FAM184B: variants seen among roughly 807,000 people sequenced by gnomAD.
The protein encoded by FAM184B is protein FAM184B.
In FAM184B, 111 loss-of-function variants were observed where a neutral mutation model predicts 135.9. That is an observed-to-expected ratio of 0.82 (90% CI 0.70 to 0.96). FAM184B has a LOEUF of 0.96. Among genes scored for constraint, FAM184B ranks in the 40% least tolerant of loss-of-function variants. FAM184B has a pLI of 0.00. For missense variants in FAM184B, 1,375 were observed against 1,323.9 expected, an observed-to-expected ratio of 1.04 and a Z score of -0.60; for synonymous variants, 552 against 524.8, an observed-to-expected ratio of 1.05 and a Z score of -0.71.
chr4:17,772,396 G>C (rs1430967463), intron 1 of FAM184B, among the ~76,000 whole-genome samples: 2 of 152,116 alleles, frequency 1.3e-5, no homozygotes, highest in African/African-American at 4.8e-5. Context: ...GGGACATGTG[G>C]AGACACAGTC....
chr4:17,737,666 T>G (rs1264367605), intron 1 of FAM184B, among the ~76,000 whole-genome samples: 1 of 152,160 alleles, frequency 6.6e-6, no homozygotes, highest in Non-Finnish European at 1.5e-5. Context: ...TTTTCAGTGT[T>G]CCTCCCCCGA....
chr4:17,647,475 C>A (rs1013775076), intron 12 of FAM184B, among the ~76,000 whole-genome samples, 162 bp downstream of exon 12: 11 of 152,066 alleles, frequency 7.2e-5, no homozygotes, highest in African/African-American at 2.7e-4. Flanking sequence ...GTCTTGAAAT[C>A]CTGGCCTCAA....
chr4:17,639,796 C>T (rs903064434), intron 13 of FAM184B, among the ~76,000 whole-genome samples: 1 of 151,544 alleles, frequency 6.6e-6, no homozygotes, highest in East Asian at 2.0e-4. Context: ...CAGGTCTTCC[C>T]TAACAACTAC....
chr4:17,705,007 A>C lies in FAM184B; in HGVS notation c.1370T>G (p.Leu457Arg). 2 of 1,551,640 alleles carry C rather than the reference A, an allele frequency of 1.3e-6. No homozygotes were observed. Among genetic ancestry groups the C allele is most frequent in the Non-Finnish European group, 1.7e-6 (2 of 1,146,966 alleles). Residue 457 changes from leucine (L) to arginine (R), a missense_variant, in exon 5 of 18, where the codon CTG becomes CGG. By Grantham distance (102) the Leu-to-Arg change is moderately radical (BLOSUM62 -2). Coordinates refer to ENST00000265018, the MANE Select transcript of FAM184B (RefSeq NM_015688.2). ...TATGGAAGTAGGTCTCACCCTCTGC[A>C]GTTTCTTTCTTTCAGCCTCCACGGA... ...RSSVEAERKK[L>R]QREVEAQLEE...
intron 1 of FAM184B, among the ~76,000 whole-genome samples, chr4:17,751,755 C>T (rs1197276803): frequency 6.8e-6 from 1 of 148,142 alleles, no homozygotes. Flanking sequence ...GGAAGTCCAG[C>T]TAGTTGAAGA....
At chr4:17,685,782 A>G (rs1326664291) in intron 7 of FAM184B, among the ~76,000 whole-genome samples, 1 of 152,076 alleles carries the variant, frequency 6.6e-6, no homozygotes, top group African/African-American at 2.4e-5. Flanking sequence ...CCTGCAGCAC[A>G]CAGCATAGCT....
At chr4:17,695,255 CG>C (rs1469396619) in intron 5 of FAM184B, among the ~76,000 whole-genome samples, 1 of 151,880 alleles carries the variant, frequency 6.6e-6, no homozygotes, top group Non-Finnish European at 1.5e-5. Context: ...CTTGACCACC[CG>C]GGCTCAAGCA....
chr4:17,676,619 T>A (rs544527657), intron 7 of FAM184B, among the ~76,000 whole-genome samples: 9 of 152,238 alleles, frequency 5.9e-5, no homozygotes, highest in Non-Finnish European at 1.3e-4. Flanking sequence ...ATATTTACTT[T>A]ATTGTGGTGG....
intron 8 of FAM184B, among the ~76,000 whole-genome samples, chr4:17,663,364 G>A (rs901837713): frequency 6.6e-6 from 1 of 152,026 alleles, no homozygotes; most frequent in Non-Finnish European, 1.5e-5. Flanking sequence ...TTCTGGCCAC[G>A]GTAATCAGGC....
intron 1 of FAM184B, among the ~76,000 whole-genome samples, chr4:17,723,832 G>A (rs370170758): frequency 6.6e-6 from 1 of 152,088 alleles, no homozygotes; most frequent in African/African-American, 2.4e-5. Flanking sequence ...ATGCAAGGTC[G>A]AATTCAAGAG....
At chr4:17,734,508 A>C (rs1177916077) in intron 1 of FAM184B, among the ~76,000 whole-genome samples, 2 of 152,182 alleles carry the variant, frequency 1.3e-5, no homozygotes, top group East Asian at 3.9e-4. Flanking sequence ...ACCCCATCAA[A>C]AAGTGGGCAA....
intron 14 of FAM184B, among the ~76,000 whole-genome samples, chr4:17,638,134 C>CTTTTTTTT (rs56926847): frequency 6.4e-4 from 47 of 73,402 alleles, no homozygotes; most frequent in East Asian, 3.8e-3. Flanking sequence ...TAACTGTTTG[C>CTTTTTTTT]TTTTTTTTTT....
At position 17,642,156 on chromosome 4, in the gene FAM184B, G is replaced by T. The variant is rs1715341503; in HGVS notation, c.2419C>A (p.Leu807Ile). 2.0e-6 allele frequency: 3 copies of T among 1,533,448 alleles called. No individual in the cohort carries two copies. Among genetic ancestry groups the T allele is most frequent in the Non-Finnish European group, 2.6e-6 (3 of 1,145,518 alleles). The allele number at this position is 1,533,448 out of a possible 1,614,324, so 95.0% of individuals were successfully genotyped here. Residue 807 changes from leucine to isoleucine, a missense_variant, in exon 13 of 18, where the codon CTC becomes ATC. Leu to Ile is a conservative substitution (Grantham distance 5). Coordinates refer to ENST00000265018, the MANE Select transcript of FAM184B (RefSeq NM_015688.2). ...TGGAGCTGCGCGTTCTCCTCCCAGA[G>T]CCCGCATCCCTCGCCGGAACCCTGC... is the stretch of plus-strand genomic sequence containing the variant. ...AGQGSGEGCG[L>I]WEENAQLQDA...
chr4:17,673,554 GT>G (rs1461379389), intron 7 of FAM184B, among the ~76,000 whole-genome samples: 1 of 152,074 alleles, frequency 6.6e-6, no homozygotes, highest in African/African-American at 2.4e-5. Context: ...AGAAACTGTG[GT>G]ATATATATAC....
At chr4:17,769,612 A>G (rs963564969) in intron 1 of FAM184B, among the ~76,000 whole-genome samples, 2 of 152,138 alleles carry the variant, frequency 1.3e-5, no homozygotes, top group Admixed American at 6.5e-5. Context: ...CCAGTTTCCT[A>G]GTGCACTTAA....
rs1186041419 is a variant in FAM184B at position 17,732,954 on chromosome 4, C to T, written c.142-23310G>A. ...AATCCTCAATAAAATACTGGCAAAC[C>T]GAATCCAGCAGCACATCAAAAAGCT... On this transcript the variant is annotated intron_variant, in intron 1 of 17. Coordinates refer to ENST00000265018, the MANE Select transcript of FAM184B (RefSeq NM_015688.2). Among the ~76,000 whole-genome samples the T allele has an allele frequency of 5.9e-5, 9 of 152,206 alleles. No homozygotes were observed. In the East Asian group the frequency reaches 7.7e-4, roughly 13 times the overall value.
chr4:17,727,357 C>T (rs1247487181), intron 1 of FAM184B, among the ~76,000 whole-genome samples: 2 of 152,186 alleles, frequency 1.3e-5, no homozygotes, highest in African/African-American at 4.8e-5. Context: ...AGCTCTGTCC[C>T]TCTCAAGCAG....
rs955856208 is a variant in FAM184B at position 17,709,396 on chromosome 4, C to T, written c.390G>A (p.Lys130=). 4.6e-6 allele frequency: 7 copies of T among 1,523,392 alleles called. No individual in the cohort carries two copies. Among genetic ancestry groups the T allele is most frequent in the Admixed American group, 2.1e-5 (1 of 48,092 alleles). 94.4% of individuals were successfully genotyped at this position (1,523,392 alleles called of 1,614,324 possible). ...AESASCRLET[K]ERELRVEAEH... is the part of the protein sequence containing the mutation. ...CTGCCTCCACCCTCAGCTCTCTCTC[C>T]TTCGTCTCCAGCCTGCACGAGGCCG... Residue 130 remains lysine, a synonymous_variant, in exon 2 of 18, where the codon AAG becomes AAA. Coordinates refer to ENST00000265018, the MANE Select transcript of FAM184B (RefSeq NM_015688.2).
intron 1 of FAM184B, among the ~76,000 whole-genome samples, chr4:17,758,783 C>T (rs1208745163): frequency 3.3e-5 from 5 of 152,146 alleles, no homozygotes; most frequent in Admixed American, 3.3e-4. Flanking sequence ...TCCCACAGCA[C>T]TCTGCAGTTG....
Sources: gnomAD v4.1 joint callset for allele counts (sites outside exome capture counted in the v4.1 genomes callset) on GRCh38, gnomAD v4.1.1 for gene constraint, MANE v1.5 for transcripts, NCBI Gene and HGNC (gene_info 2026-07-23, HGNC 2026-07-21) for gene names.